The following ANKRD16 variants were observed in gnomAD, a reference collection of about 807,000 sequenced individuals.
The protein encoded by ANKRD16 is ankyrin repeat domain 16, also known as ankyrin repeat domain-containing protein 16.
ANKRD16 carries 35 observed loss-of-function variants against 37.9 expected under a neutral mutation model. The ratio of observed to expected loss-of-function variants is 0.92; its 90% CI spans 0.71 to 1.23. The LOEUF (loss-of-function observed/expected upper bound fraction) is 1.23. ANKRD16 is among the 50% of genes most tolerant of loss of function. ANKRD16 has a pLI of 0.00. For missense variants in ANKRD16, 480 were observed against 469.9 expected (o/e 1.02, Z -0.20); for synonymous variants, 206 against 197.2 (o/e 1.04, Z -0.37).
At chr10:5,877,842 C>A (rs935060256) in intron 7 of ANKRD16, among the ~76,000 whole-genome samples, 1 of 152,172 alleles carries the variant, frequency 6.6e-6, no homozygotes, top group African/African-American at 2.4e-5. Flanking sequence ...ACAGCCTGAT[C>A]GCGCAAACGT....
At chr10:5,884,640 G>A (rs1564419098) in intron 3 of ANKRD16, among the ~76,000 whole-genome samples, 1 of 151,286 alleles carries the variant, frequency 6.6e-6, no homozygotes, top group African/African-American at 2.4e-5. Flanking sequence ...GTTGAGGCAG[G>A]AGAATCGCTT....
chr10:5,875,097 C>G (rs1052202881), intron 7 of ANKRD16, among the ~76,000 whole-genome samples: 5 of 152,050 alleles, frequency 3.3e-5, no homozygotes, highest in African/African-American at 1.2e-4. Context: ...GCAGCAACAA[C>G]GACGCCAGAC....
At chr10:5,873,331 G>A (rs1031506745) in intron 7 of ANKRD16, among the ~76,000 whole-genome samples, 3 of 150,984 alleles carry the variant, frequency 2.0e-5, no homozygotes, top group Non-Finnish European at 4.4e-5. Context: ...TCCCCAGCAC[G>A]CCTGGACAAT....
At chr10:5,883,897 G>T in intron 4 of ANKRD16, 72 bp downstream of exon 4, 1 of 1,339,586 alleles carries the variant, frequency 7.5e-7, no homozygotes, top group Non-Finnish European at 1.0e-6. Context: ...GAGTAACAAT[G>T]TGCTCTGCTT....
intron 5 of ANKRD16, chr10:5,882,611 A>G (rs1166880321): frequency 6.4e-6 from 1 of 156,612 alleles, no homozygotes; most frequent in Non-Finnish European, 1.4e-5. Context: ...TATCTTCAAT[A>G]TACCCCAGAG....
chr10:5,882,998 T>A lies in ANKRD16; in HGVS notation c.849+8A>T. On this transcript the variant is annotated splice_region_variant and intron_variant, in intron 5 of 7. Coordinates refer to ENST00000380094, the MANE Select transcript of ANKRD16 (RefSeq NM_019046.3). ...GAAGCTCGGACAACGTTATAAGAAG[T>A]AACAAACCTTAGCTGCATAATGAAG... 1 of 1,612,324 alleles carries A rather than the reference T, an allele frequency of 6.2e-7. No homozygotes were observed. The highest frequency in any genetic ancestry group is 8.5e-7 in the Non-Finnish European group (1 of 1,179,876).
intron 7 of ANKRD16, among the ~76,000 whole-genome samples, chr10:5,873,068 C>G (rs570305263): frequency 7.2e-6 from 1 of 139,798 alleles, no homozygotes; most frequent in Non-Finnish European, 1.5e-5. Context: ...CTTGCTCTGT[C>G]GCCCAGGCTG....
chr10:5,889,109 G>A lies in ANKRD16; in HGVS notation c.246C>T (p.Gly82=). Residue 82 remains glycine (G), a synonymous_variant, in exon 1 of 8, where the codon GGC becomes GGT. Transcript: ENST00000380094. ...KRPLHEAASM[G]HRDCVRYLLG... is the part of the protein sequence containing the mutation. ...GCAGGTAGCGCACGCAGTCTCGGTG[G>A]CCCATGGAGGCCGCCTCGTGCAGAG... 6.3e-7 allele frequency: 1 copy of A among 1,593,784 alleles called. No individual in the cohort carries two copies. The highest frequency in any genetic ancestry group is 1.7e-4 in the Middle Eastern group (1 of 5,940).
At position 5,868,083 on chromosome 10, in the gene ANKRD16, C is replaced by T. The variant is rs1842040981; in HGVS notation, c.*34-5392G>A. ...TGGAGTTGGGTGACATGACTTCTCC[C>T]CTTTCTAGGTCCCGTGACATCCATC... On this transcript the variant is annotated intron_variant, in intron 7 of 7. Transcript: ENST00000380094. The surrounding 1 kb of genome is among the most constrained non-coding windows in gnomAD (Gnocchi z 4.9). Among the ~76,000 whole-genome samples, 1 of 152,216 alleles carries T rather than the reference C, an allele frequency of 6.6e-6. No homozygotes were observed.
chr10:5,879,505 T>C (rs1842249768), intron 6 of ANKRD16, among the ~76,000 whole-genome samples: 1 of 151,722 alleles, frequency 6.6e-6, no homozygotes, highest in Admixed American at 6.6e-5. Context: ...CCTTGCAAGA[T>C]GGCCTTTGGC....
rs1411966073 is a variant in ANKRD16 at position 5,865,578 on chromosome 10, T to A, written c.*34-2887A>T. 6.6e-6 allele frequency among the ~76,000 whole-genome samples: 1 copy of A among 152,206 alleles called. No individual in the cohort carries two copies. The highest frequency in any genetic ancestry group is 1.5e-5 in the Non-Finnish European group (1 of 68,030). On this transcript the variant is annotated intron_variant, in intron 7 of 7. Transcript: ENST00000380094. This position sits in a 1 kb window ranked among gnomAD's most constrained non-coding sequence, Gnocchi z 4.7. Reference sequence around the variant, plus strand: ...CTGTCCCAGACAGCTGTCCTCAAGGTCTGTTACCATCCAAGGAATCCTGGG... The same window carrying A: ...CTGTCCCAGACAGCTGTCCTCAAGGACTGTTACCATCCAAGGAATCCTGGG...
rs147324787 is a variant in ANKRD16, at chr10:5,873,654, C to T, written c.*33+4443G>A. Among the ~76,000 whole-genome samples the T allele has an allele frequency of 4.9e-4, 74 of 152,282 alleles. 1 individual carries two copies. Among genetic ancestry groups the T allele is most frequent in the African/African-American group, 1.7e-3 (71 of 41,548 alleles). On this transcript the variant is annotated intron_variant, in intron 7 of 7. Coordinates refer to ENST00000380094, the MANE Select transcript of ANKRD16 (RefSeq NM_019046.3). Reference sequence around the variant, plus strand: ...TCTGCCACCTGCTGGTGGATTCTAGCAACGTCCTGGGTTAAATTAAATTCA... The same window carrying T: ...TCTGCCACCTGCTGGTGGATTCTAGTAACGTCCTGGGTTAAATTAAATTCA...
intron 7 of ANKRD16, among the ~76,000 whole-genome samples, chr10:5,867,812 A>ATAACAAAATC (rs1842037646): frequency 6.6e-6 from 1 of 152,228 alleles, no homozygotes; most frequent in Admixed American, 6.5e-5. Flanking sequence ...CTTGCAAGAA[A>ATAACAAAATC]TAACAAAATC....
chr10:5,873,570 T>C (rs1007871503), intron 7 of ANKRD16, among the ~76,000 whole-genome samples: 1 of 152,190 alleles, frequency 6.6e-6, no homozygotes, highest in Non-Finnish European at 1.5e-5. Flanking sequence ...CTATCTTCTG[T>C]ATTTTACAAT....
At position 5,862,016 on chromosome 10, in the gene ANKRD16, C is replaced by T. The variant is rs1841949767; in HGVS notation, c.*709G>A. 1 of 159,148 alleles carries T rather than the reference C, an allele frequency of 6.3e-6. No homozygotes were observed. The highest frequency in any genetic ancestry group is 1.8e-4 in the South Asian group (1 of 5,412). The allele number at this position is 159,148 out of a possible 1,614,324, so 9.9% of individuals were successfully genotyped here. A position where few individuals can be genotyped will look rare whatever the true frequency, so the allele number is the denominator to read the frequency against. On this transcript the variant is annotated 3_prime_UTR_variant, in exon 8 of 8. Coordinates refer to ENST00000380094, the MANE Select transcript of ANKRD16 (RefSeq NM_019046.3). This position sits in a 1 kb window ranked among gnomAD's most constrained non-coding sequence, Gnocchi z 6.5. ...TCCAGGGTTCACAGCATTCTCCTGC[C>T]TCAGCCTCCTGAGTAGCTGGGACTA...
chr10:5,870,217 A>G lies in ANKRD16; in HGVS notation c.*34-7526T>C, dbSNP rs1842065376. On this transcript the variant is annotated intron_variant, in intron 7 of 7. Coordinates refer to ENST00000380094, the MANE Select transcript of ANKRD16 (RefSeq NM_019046.3). The surrounding 1 kb of genome is among the most constrained non-coding windows in gnomAD (Gnocchi z 5.0). Reference sequence around the variant, plus strand: ...GGTTCTGCCTTCCCATTCTCTCTCAAACCTGCTCTGATCTTTGTCCAGCTC... The same window carrying G: ...GGTTCTGCCTTCCCATTCTCTCTCAGACCTGCTCTGATCTTTGTCCAGCTC... Among the ~76,000 whole-genome samples the G allele has an allele frequency of 2.6e-5, 4 of 151,116 alleles. No homozygotes were observed. The highest frequency in any genetic ancestry group is 2.6e-4 in the Admixed American group (4 of 15,148).
chr10:5,879,525 G>A (rs979400007), intron 6 of ANKRD16, among the ~76,000 whole-genome samples: 4 of 151,522 alleles, frequency 2.6e-5, no homozygotes, highest in Non-Finnish European at 2.9e-5. Context: ...CTCACAGAAT[G>A]TTAGAGGGTT....
At chr10:5,885,672 T>A in intron 3 of ANKRD16, 51 bp downstream of exon 3, 1 of 1,605,708 alleles carries the variant, frequency 6.2e-7, no homozygotes, top group Non-Finnish European at 8.5e-7. Flanking sequence ...TGATATCAAC[T>A]CTTTGTCATA....
Position 5,868,233 on chromosome 10 carries a change from T to C in ANKRD16, c.*34-5542A>G, listed in dbSNP as rs1452728073. 6.6e-6 allele frequency among the ~76,000 whole-genome samples: 1 copy of C among 152,174 alleles called. No individual in the cohort carries two copies. Among genetic ancestry groups the C allele is most frequent in the African/African-American group, 2.4e-5 (1 of 41,444 alleles). ...GAACCCCAAATGAGCTCAACTAACT[T>C]CTACTGAGGACCCCTGGACCAAACT... On this transcript the variant is annotated intron_variant, in intron 7 of 7. Coordinates refer to ENST00000380094, the MANE Select transcript of ANKRD16 (RefSeq NM_019046.3). The surrounding 1 kb of genome is among the most constrained non-coding windows in gnomAD (Gnocchi z 4.9).
Sources: gnomAD v4.1 joint callset for allele counts (sites outside exome capture counted in the v4.1 genomes callset) on GRCh38, gnomAD v4.1.1 for gene constraint, Gnocchi (gnomAD v3.1) non-coding constraint, MANE v1.5 for transcripts, NCBI Gene and HGNC (gene_info 2026-07-23, HGNC 2026-07-21) for gene names.